HMCN1: variants seen among roughly 807,000 people sequenced by gnomAD.
HMCN1 encodes the protein hemicentin-1.
HMCN1 carries 321 observed loss-of-function variants against 625.9 expected under a neutral mutation model. That is an observed-to-expected ratio of 0.51 (90% CI 0.47 to 0.56). The LOEUF is 0.56. Among genes scored for constraint, HMCN1 ranks in the 20% least tolerant of loss-of-function variants. The pLI is 0.00. For synonymous variants in HMCN1, 2,425 were observed against 2,417.6 expected (o/e 1.00, Z -0.09); for missense variants, 6,588 against 6,887.3 (o/e 0.96, Z 1.54).
At chr1:185,901,739 A>G (rs1259947677) in intron 4 of HMCN1, among the ~76,000 whole-genome samples, 1 of 151,710 alleles carries the variant, frequency 6.6e-6, no homozygotes, top group Non-Finnish European at 1.5e-5. Flanking sequence ...GGTTCAATAC[A>G]TGTGTATCTG....
intron 24 of HMCN1, among the ~76,000 whole-genome samples, chr1:185,997,011 A>C (rs1317460242): frequency 6.6e-6 from 1 of 152,166 alleles, no homozygotes; most frequent in Non-Finnish European, 1.5e-5. Flanking sequence ...CCCCATAAGA[A>C]GTCTATTGGA....
At chr1:186,004,447 A>G (rs987182123) in intron 29 of HMCN1, among the ~76,000 whole-genome samples, 319 of 152,314 alleles carry the variant, frequency 2.1e-3, no homozygotes, top group African/African-American at 7.2e-3. Flanking sequence ...AAAAGATTGT[A>G]TTCAAGCTTT....
chr1:186,164,357 A>G (rs962582409), intron 97 of HMCN1, among the ~76,000 whole-genome samples: 4 of 150,346 alleles, frequency 2.7e-5, no homozygotes, highest in Admixed American at 2.7e-4. Context: ...CTGCTGCCTC[A>G]GTCTCCTGAG....
In HMCN1 at chr1:186,048,812, GA is replaced by G. The variant is rs1298533680; in HGVS notation, c.6557del (p.Asn2186ThrfsTer53). 2 of 1,609,878 alleles carry G rather than the reference GA, an allele frequency of 1.2e-6. No homozygotes were observed. The highest frequency in any genetic ancestry group is 1.7e-6 in the Non-Finnish European group (2 of 1,176,968). On this transcript the variant is annotated frameshift_variant, in exon 42 of 107. Coordinates refer to ENST00000271588, the MANE Select transcript of HMCN1 (RefSeq NM_031935.3). LOFTEE classifies it high-confidence loss of function. Reference protein sequence around the residue: ...CEATNVAGKTEKNYNVNIWVP... With the variant: ...CEATNVAGKTXKNYNVNIWVP... Reference sequence around the variant, plus strand: ...AGCAACAAATGTTGCTGGAAAAACTGAAAAAAACTACAATGTCAACATTTGG... The same window carrying G: ...AGCAACAAATGTTGCTGGAAAAACTGAAAAAACTACAATGTCAACATTTGG...
intron 68 of HMCN1, among the ~76,000 whole-genome samples, chr1:186,102,493 G>A (rs1440414408): frequency 6.6e-6 from 1 of 152,026 alleles, no homozygotes; most frequent in African/African-American, 2.4e-5. Flanking sequence ...AGTGTATAAT[G>A]TATCTCACTG....
chr1:185,893,598 G>A (rs1057251823), intron 4 of HMCN1, among the ~76,000 whole-genome samples: 3 of 151,982 alleles, frequency 2.0e-5, no homozygotes, highest in African/African-American at 7.2e-5. Flanking sequence ...TTGCTACCAC[G>A]GAAACGTTTT....
At chr1:185,799,999 C>G (rs763450517) in intron 1 of HMCN1, among the ~76,000 whole-genome samples, 7 of 152,092 alleles carry the variant, frequency 4.6e-5, no homozygotes, top group Non-Finnish European at 8.8e-5. Context: ...AAGTACCAGC[C>G]CTGATGGGGT....
chr1:185,848,053 C>T (rs1453785198), intron 2 of HMCN1, among the ~76,000 whole-genome samples: 1 of 151,926 alleles, frequency 6.6e-6, no homozygotes, highest in Non-Finnish European at 1.5e-5. Context: ...CCATAAAAAA[C>T]AAAACAAAAT....
At chr1:186,154,080 A>G (rs1454706374) in intron 97 of HMCN1, 93 bp downstream of exon 97, 4 of 994,770 alleles carry the variant, frequency 4.0e-6, no homozygotes, top group Non-Finnish European at 6.3e-6. Flanking sequence ...TACATCTAAC[A>G]TGATATCAGG....
chr1:186,183,664 C>A (rs1456357259), intron 105 of HMCN1, among the ~76,000 whole-genome samples: 1 of 152,010 alleles, frequency 6.6e-6, no homozygotes, highest in Non-Finnish European at 1.5e-5. Context: ...TAATTTGTAC[C>A]CATTCTAAAA....
intron 42 of HMCN1, among the ~76,000 whole-genome samples, chr1:186,051,859 G>A (rs1656973735): frequency 6.6e-6 from 1 of 151,932 alleles, no homozygotes; most frequent in South Asian, 2.1e-4. Context: ...TGAGAATTGG[G>A]AATAATTAAG....
intron 30 of HMCN1, among the ~76,000 whole-genome samples, chr1:186,012,452 C>T (rs1388843642): frequency 6.6e-6 from 1 of 151,304 alleles, no homozygotes; most frequent in Non-Finnish European, 1.5e-5. Context: ...AACAGGTGAG[C>T]AGTGTCAGTA....
intron 97 of HMCN1, among the ~76,000 whole-genome samples, chr1:186,163,031 A>G (rs1480670562): frequency 2.6e-5 from 4 of 152,222 alleles, no homozygotes; most frequent in Non-Finnish European, 5.9e-5. Flanking sequence ...AGAGGCAGGC[A>G]GGCGTCCTTG....
intron 1 of HMCN1, among the ~76,000 whole-genome samples, chr1:185,759,414 A>T (rs888137089): frequency 6.6e-6 from 1 of 152,200 alleles, no homozygotes; most frequent in African/African-American, 2.4e-5. Flanking sequence ...GGTCATAAGT[A>T]AAGGGAGTCC....
intron 4 of HMCN1, among the ~76,000 whole-genome samples, chr1:185,881,920 A>G (rs1664333506): frequency 6.6e-6 from 1 of 152,150 alleles, no homozygotes; most frequent in Admixed American, 6.5e-5. Context: ...GAAGTCTCTT[A>G]GTGTTTTCTC....
At chr1:186,067,737 G>A (rs895724740) in intron 49 of HMCN1, 97 bp from the exon 50 acceptor site, 1 of 798,442 alleles carries the variant, frequency 1.3e-6, no homozygotes, top group African/African-American at 1.7e-5. Context: ...AACTGCTAGG[G>A]AATGAAATTA....
At chr1:185,759,554 G>A (rs559969502) in intron 1 of HMCN1, among the ~76,000 whole-genome samples, 1 of 152,234 alleles carries the variant, frequency 6.6e-6, no homozygotes, top group South Asian at 2.1e-4. Context: ...GAACAAAATT[G>A]GAAAGCTATG....
rs67719442 is a variant in HMCN1 at position 185,852,577 on chromosome 1, TACACACACACACAC to T, written c.339+6516_339+6529del. On this transcript the variant is annotated intron_variant, in intron 2 of 106. Coordinates refer to ENST00000271588, the MANE Select transcript of HMCN1 (RefSeq NM_031935.3). Reference sequence around the variant, plus strand: ...AATATGCATTTGCTTACAAATATCCTACACACACACACACACACACACACACACACACACACACA... The same window carrying T: ...AATATGCATTTGCTTACAAATATCCTACACACACACACACACACACACACA... Among the ~76,000 whole-genome samples the T allele has an allele frequency of 6.4e-4, 87 of 135,604 alleles. 1 individual carries two copies. The highest frequency in any genetic ancestry group is 1.6e-3 in the African/African-American group (59 of 37,722). 89.0% of individuals were successfully genotyped at this position (135,604 alleles called of 152,430 possible).
At chr1:185,982,501 T>C in intron 18 of HMCN1, 112 bp downstream of exon 18, 61 of 1,028,552 alleles carry the variant, frequency 5.9e-5, no homozygotes, top group South Asian at 9.6e-5. Flanking sequence ...AGTGCAGTGG[T>C]GGGATCTAGG....
Sources: gnomAD v4.1 joint callset for allele counts (sites outside exome capture counted in the v4.1 genomes callset) on GRCh38, gnomAD v4.1.1 for gene constraint, MANE v1.5 for transcripts, NCBI Gene and HGNC (gene_info 2026-07-23, HGNC 2026-07-21) for gene names.